Variants in MSRA observed in about 807,000 individuals in gnomAD.
The protein encoded by MSRA is methionine sulfoxide reductase A, also known as mitochondrial peptide methionine sulfoxide reductase.
A neutral mutation model predicts 31.3 loss-of-function variants in MSRA; 54 were observed. That is an observed-to-expected ratio of 1.73 (90% CI 1.39 to 2.17). The LOEUF (loss-of-function observed/expected upper bound fraction) is 2.17. Among genes scored for constraint, MSRA ranks in the 30% most tolerant of loss-of-function variants. The pLI, the probability that MSRA is intolerant of heterozygous loss-of-function variation, is 0.00. For missense variants in MSRA, 507 were observed against 300.9 expected (o/e 1.69, Z -5.07); for synonymous variants, 169 against 116.5 (o/e 1.45, Z -2.90).
At chr8:10,361,703 C>T (rs918135123) in intron 5 of MSRA, among the ~76,000 whole-genome samples, 1 of 152,178 alleles carries the variant, frequency 6.6e-6, no homozygotes, top group African/African-American at 2.4e-5. Context: ...ACACAGAAAG[C>T]ACTTCTAATG....
At chr8:10,132,794 T>C (rs1801990572) in intron 1 of MSRA, among the ~76,000 whole-genome samples, 1 of 152,248 alleles carries the variant, frequency 6.6e-6, no homozygotes, top group Admixed American at 6.5e-5. Flanking sequence ...TTAAACAGTT[T>C]ACCCGGAGTC....
intron 1 of MSRA, among the ~76,000 whole-genome samples, chr8:10,070,742 G>T (rs79843831): frequency 9.2e-4 from 140 of 152,288 alleles, no homozygotes; most frequent in South Asian, 2.1e-3. Flanking sequence ...TTACATAAAC[G>T]ATGTCATATA....
At chr8:10,345,071 A>G (rs1803685973) in intron 5 of MSRA, among the ~76,000 whole-genome samples, 1 of 150,928 alleles carries the variant, frequency 6.6e-6, no homozygotes, top group Non-Finnish European at 1.5e-5. Flanking sequence ...TTCCCCCTCA[A>G]GGTTAGCCTG....
At chr8:10,179,320 C>G (rs1299243680) in intron 1 of MSRA, among the ~76,000 whole-genome samples, 3 of 152,192 alleles carry the variant, frequency 2.0e-5, no homozygotes, top group Non-Finnish European at 2.9e-5. Flanking sequence ...CAGGGTTCAT[C>G]TTCTCTTTCT....
chr8:10,255,022 A>G (rs1798103523), intron 3 of MSRA, among the ~76,000 whole-genome samples: 1 of 152,228 alleles, frequency 6.6e-6, no homozygotes, highest in African/African-American at 2.4e-5. Flanking sequence ...AAAATTTTGC[A>G]CAGAAGTCTA....
At chr8:10,277,883 T>G (rs1346818753) in intron 3 of MSRA, among the ~76,000 whole-genome samples, 1 of 152,204 alleles carries the variant, frequency 6.6e-6, no homozygotes, top group Non-Finnish European at 1.5e-5. Context: ...TATACAATTT[T>G]TATTTATCAA....
At chr8:10,154,237 G>T (rs1272432003) in intron 1 of MSRA, among the ~76,000 whole-genome samples, 1 of 152,046 alleles carries the variant, frequency 6.6e-6, no homozygotes, top group African/African-American at 2.4e-5. Flanking sequence ...TTGCGGAAGA[G>T]TAGCCATCAA....
chr8:10,088,040 C>T (rs1331102987), intron 1 of MSRA, among the ~76,000 whole-genome samples: 1 of 152,122 alleles, frequency 6.6e-6, no homozygotes, highest in African/African-American at 2.4e-5. Context: ...TTTGTCAAAG[C>T]CCTGAAGCAT....
At position 10,233,584 on chromosome 8, in the gene MSRA, G is replaced by A. The variant is rs147191428; in HGVS notation, c.212-11520G>A. 9.8e-5 allele frequency among the ~76,000 whole-genome samples: 15 copies of A among 152,306 alleles called. No homozygotes were observed. The East Asian group carries it at 2.9e-3, about 29-fold the overall frequency. On this transcript the variant is annotated intron_variant, in intron 2 of 5. Coordinates refer to ENST00000317173, the MANE Select transcript of MSRA (RefSeq NM_012331.5). ...ACCTGGAACTCTTAGATTGAACCCA[G>A]TTGATGAGGAACTTAGTTAATGTTT...
chr8:10,205,751 C>T (rs1171773328), intron 1 of MSRA, among the ~76,000 whole-genome samples: 37 of 152,122 alleles, frequency 2.4e-4, no homozygotes, highest in Admixed American at 2.4e-3. Flanking sequence ...TTTTTATGTT[C>T]TTCTGCCAGT....
chr8:10,307,528 G>T (rs1000213538), intron 4 of MSRA, among the ~76,000 whole-genome samples: 1 of 152,146 alleles, frequency 6.6e-6, no homozygotes, highest in African/African-American at 2.4e-5. Context: ...ATTTAAAAAA[G>T]CAAATATATT....
At chr8:10,305,158 C>A (rs191432984) in intron 4 of MSRA, among the ~76,000 whole-genome samples, 39 of 152,252 alleles carry the variant, frequency 2.6e-4, no homozygotes, top group African/African-American at 9.4e-4. Flanking sequence ...TAATTCACTG[C>A]ATTTTATAGG....
intron 1 of MSRA, among the ~76,000 whole-genome samples, chr8:10,089,041 A>G (rs1182959826): frequency 3.9e-5 from 6 of 152,196 alleles, no homozygotes; most frequent in Non-Finnish European, 8.8e-5. Context: ...AAACAGATAT[A>G]TTGGACAAAT....
chr8:10,065,750 G>T (rs1358549581), intron 1 of MSRA, among the ~76,000 whole-genome samples: 1 of 152,194 alleles, frequency 6.6e-6, no homozygotes, highest in Non-Finnish European at 1.5e-5. Context: ...TTGCCGGATG[G>T]TTGGTAAAGG....
intron 1 of MSRA, among the ~76,000 whole-genome samples, chr8:10,185,768 C>A (rs73191549): frequency 0.063 from 9,554 of 152,252 alleles, 433 homozygotes; most frequent in Non-Finnish European, 0.09. Context: ...ACCTTTGAGT[C>A]CTGTGTTCCT....
chr8:10,411,312 C>T (rs1017012734), intron 5 of MSRA: 2 of 152,138 alleles, frequency 1.3e-5, no homozygotes, highest in Admixed American at 6.5e-5. Context: ...CACACCGTGT[C>T]GTTTTTAAGC....
intron 1 of MSRA, among the ~76,000 whole-genome samples, chr8:10,154,518 C>T (rs1331469623): frequency 1.3e-5 from 2 of 152,114 alleles, no homozygotes; most frequent in East Asian, 1.9e-4. Flanking sequence ...GCTGGTACTA[C>T]AGGCACCCGC....
chr8:10,061,448 G>T (rs1016149236), intron 1 of MSRA, among the ~76,000 whole-genome samples: 3 of 151,870 alleles, frequency 2.0e-5, no homozygotes, highest in African/African-American at 7.3e-5. Context: ...TTCTCTACTG[G>T]ACAAATAGCT....
intron 1 of MSRA, among the ~76,000 whole-genome samples, chr8:10,188,317 A>C (rs779815896): frequency 6.6e-6 from 1 of 152,244 alleles, no homozygotes; most frequent in Non-Finnish European, 1.5e-5. Context: ...ACACAGATCT[A>C]TAGAACTGTT....
Sources: gnomAD v4.1 joint callset for allele counts (sites outside exome capture counted in the v4.1 genomes callset) on GRCh38, gnomAD v4.1.1 for gene constraint, MANE v1.5 for transcripts, NCBI Gene and HGNC (gene_info 2026-07-23, HGNC 2026-07-21) for gene names.